Variants in CNTN1 observed in about 807,000 individuals in gnomAD.
The protein encoded by CNTN1 is contactin 1.
A neutral mutation model predicts 126.4 loss-of-function variants in CNTN1; 38 were observed. The observed-to-expected ratio is 0.30, with a 90% CI of 0.23 to 0.39. The LOEUF is 0.39. Among genes scored for constraint, CNTN1 ranks in the 10% least tolerant of loss-of-function variants. The pLI is 1.00. For missense variants in CNTN1, 1,009 were observed against 1,248.4 expected, an observed-to-expected ratio of 0.81 and a Z score of 2.89; for synonymous variants, 413 against 422.6, an observed-to-expected ratio of 0.98 and a Z score of 0.28.
At chr12:40,774,064 G>A (rs1939481433) in intron 1 of CNTN1, among the ~76,000 whole-genome samples, 1 of 151,472 alleles carries the variant, frequency 6.6e-6, no homozygotes, top group Non-Finnish European at 1.5e-5. Context: ...CTGGAGTATA[G>A]AACAAGCTGA....
intron 1 of CNTN1, among the ~76,000 whole-genome samples, chr12:40,784,077 T>TA (rs1269419345): frequency 6.6e-6 from 1 of 152,160 alleles, no homozygotes; most frequent in African/African-American, 2.4e-5. Flanking sequence ...AATCCCCTGT[T>TA]ACAGAAGCCC....
chr12:40,807,507 C>G (rs756047850), intron 1 of CNTN1, among the ~76,000 whole-genome samples: 35 of 152,086 alleles, frequency 2.3e-4, no homozygotes, highest in Non-Finnish European at 4.1e-4. Context: ...TTTAAGATTT[C>G]TGCTGCACCA....
At chr12:40,953,555 C>T (rs1946762610) in intron 14 of CNTN1, among the ~76,000 whole-genome samples, 1 of 152,036 alleles carries the variant, frequency 6.6e-6, no homozygotes, top group South Asian at 2.1e-4. Flanking sequence ...GCTACATGTT[C>T]ACCAAATGTA....
intron 15 of CNTN1, among the ~76,000 whole-genome samples, chr12:40,968,736 G>GA (rs902611588): frequency 3.3e-5 from 5 of 151,718 alleles, no homozygotes; most frequent in East Asian, 3.9e-4. Context: ...GTTTAAAAAA[G>GA]AAAAAAAATA....
At position 40,699,128 on chromosome 12, in the gene CNTN1, T is replaced by C. The variant is rs143067535; in HGVS notation, c.-77+6536T>C. ...ACTTACCATACTATATTGTACTGAT[T>C]GGTTACTTGTCTCTTGCCTCCACCG... is the stretch of plus-strand genomic sequence containing the variant. On this transcript the variant is annotated intron_variant, in intron 1 of 23. Transcript: ENST00000551295. Among the ~76,000 whole-genome samples, 116 of 152,310 alleles carry C rather than the reference T, an allele frequency of 7.6e-4. No individual in the cohort carries two copies. The East Asian group carries it at 0.016, about 21-fold the overall frequency.
intron 1 of CNTN1, chr12:40,729,508 G>A (rs745438084): frequency 6.1e-5 from 13 of 213,458 alleles, no homozygotes; most frequent in Middle Eastern, 5.5e-4. Flanking sequence ...TTCAGACCAC[G>A]TATGAGTGCC....
At chr12:40,854,426 C>T (rs946927133) in intron 1 of CNTN1, among the ~76,000 whole-genome samples, 1 of 152,026 alleles carries the variant, frequency 6.6e-6, no homozygotes, top group South Asian at 2.1e-4. Context: ...TATTTAGTTT[C>T]ATCTCATCTC....
chr12:40,755,306 C>A (rs191468788), intron 1 of CNTN1, among the ~76,000 whole-genome samples: 27 of 141,412 alleles, frequency 1.9e-4, no homozygotes, highest in African/African-American at 7.4e-4. Context: ...TTTTCATTTT[C>A]TTATTTCTTA....
chr12:40,752,389 C>T (rs1157808204), intron 1 of CNTN1, among the ~76,000 whole-genome samples: 1 of 152,066 alleles, frequency 6.6e-6, no homozygotes, highest in Non-Finnish European at 1.5e-5. Flanking sequence ...AGGTTCTTTC[C>T]TTATATGCTC....
At position 40,997,764 on chromosome 12, in the gene CNTN1, T is replaced by A. The variant is rs536073726; in HGVS notation, c.2113+4495T>A. 6.6e-5 allele frequency among the ~76,000 whole-genome samples: 10 copies of A among 152,308 alleles called. No homozygotes were observed. The East Asian group carries it at 1.9e-3, about 29-fold the overall frequency. ...CCATGATGCTGATCTGGGTATCCAA[T>A]TAGATGAAGTATATGAAAATAACTT... On this transcript the variant is annotated intron_variant, in intron 17 of 23. Coordinates refer to ENST00000551295, the MANE Select transcript of CNTN1 (RefSeq NM_001843.4).
chr12:40,881,723 C>T (rs1015695833), intron 1 of CNTN1, among the ~76,000 whole-genome samples: 2 of 151,744 alleles, frequency 1.3e-5, no homozygotes, highest in African/African-American at 4.8e-5. Flanking sequence ...ACTACCACAC[C>T]CATTCATGCA....
intron 1 of CNTN1, among the ~76,000 whole-genome samples, chr12:40,799,738 G>C (rs1288775262): frequency 1.3e-5 from 2 of 151,952 alleles, no homozygotes; most frequent in Non-Finnish European, 1.5e-5. Context: ...TATATTAATA[G>C]TAACTAACAA....
intron 1 of CNTN1, among the ~76,000 whole-genome samples, chr12:40,899,793 T>C (rs1304207934): frequency 6.6e-6 from 1 of 152,208 alleles, no homozygotes; most frequent in African/African-American, 2.4e-5. Context: ...AACAATCACG[T>C]GCCAAGTGCT....
At chr12:40,968,981 T>C (rs986076305) in intron 15 of CNTN1, among the ~76,000 whole-genome samples, 5 of 152,126 alleles carry the variant, frequency 3.3e-5, no homozygotes, top group African/African-American at 1.2e-4. Context: ...AGTTAGAGAG[T>C]AGAGTAACAT....
rs7308023 is a variant in CNTN1 at position 40,808,882 on chromosome 12, G to A, written c.-76-99475G>A. 8.9e-3 allele frequency among the ~76,000 whole-genome samples: 1,357 copies of A among 152,174 alleles called. 20 individuals are homozygous for A. The highest frequency in any genetic ancestry group is 0.031 in the African/African-American group (1,287 of 41,522). On this transcript the variant is annotated intron_variant, in intron 1 of 23. Transcript: ENST00000551295. The stretch of plus-strand genomic sequence containing the variant: ...TTCTTTGAATTCATACATCTGCATG[G>A]TCCAAACTGGTTTTTCTTTCACTTC...
intron 1 of CNTN1, among the ~76,000 whole-genome samples, chr12:40,837,972 A>T (rs889782781): frequency 3.9e-5 from 6 of 152,090 alleles, no homozygotes; most frequent in Admixed American, 1.3e-4. Context: ...CACCCTCTCC[A>T]ATGGCAGGGT....
chr12:41,059,819 G>T (rs1312342145), intron 23 of CNTN1, among the ~76,000 whole-genome samples: 1 of 152,076 alleles, frequency 6.6e-6, no homozygotes, highest in African/African-American at 2.4e-5. Context: ...GAATCCAGGA[G>T]TTCCAGACCA....
intron 1 of CNTN1, among the ~76,000 whole-genome samples, chr12:40,901,046 A>G (rs1318162982): frequency 6.6e-6 from 1 of 152,208 alleles, no homozygotes; most frequent in African/African-American, 2.4e-5. Flanking sequence ...GGAAGTAACA[A>G]GCATATCTGC....
chr12:41,021,157 C>T (rs1229036673), intron 20 of CNTN1, among the ~76,000 whole-genome samples: 1 of 152,162 alleles, frequency 6.6e-6, no homozygotes, highest in Non-Finnish European at 1.5e-5. Flanking sequence ...ATGGTTTTTC[C>T]TTTACAGATG....
Sources: gnomAD v4.1 joint callset for allele counts (sites outside exome capture counted in the v4.1 genomes callset) on GRCh38, gnomAD v4.1.1 for gene constraint, MANE v1.5 for transcripts, NCBI Gene and HGNC (gene_info 2026-07-23, HGNC 2026-07-21) for gene names.